The following SRBD1 variants were observed in gnomAD, a reference collection of about 807,000 sequenced individuals.
SRBD1 encodes S1 RNA-binding domain-containing protein 1.
A neutral mutation model predicts 115.3 loss-of-function variants in SRBD1; 88 were observed. The observed-to-expected ratio is 0.76, with a 90% confidence interval of 0.64 to 0.91. The LOEUF (loss-of-function observed/expected upper bound fraction) is 0.91, where lower values mean the gene tolerates loss of function less well. Among genes scored for constraint, SRBD1 ranks in the 40% least tolerant of loss-of-function variants. The probability of loss-of-function intolerance (pLI) is 0.00; values close to 1 mark genes in which losing one functional copy is unlikely to be tolerated. For synonymous variants in SRBD1, 509 were observed against 407.7 expected (o/e 1.25, Z -2.99); for missense variants, 1,385 against 1,177.4 (o/e 1.18, Z -2.58).
intron 14 of SRBD1, among the ~76,000 whole-genome samples, chr2:45,523,053 T>C (rs547495110): frequency 6.6e-6 from 1 of 152,148 alleles, no homozygotes; most frequent in Admixed American, 6.6e-5. Context: ...ATATAAAGGA[T>C]ACTCAACATG....
intron 16 of SRBD1, among the ~76,000 whole-genome samples, chr2:45,443,240 C>T (rs1668723789): frequency 6.6e-6 from 1 of 152,118 alleles, no homozygotes; most frequent in Admixed American, 6.5e-5. Context: ...GAGATGATGG[C>T]TGCCTAGAGT....
chr2:45,486,707 T>G (rs1345756647), intron 15 of SRBD1, among the ~76,000 whole-genome samples: 1 of 151,752 alleles, frequency 6.6e-6, no homozygotes, highest in Non-Finnish European at 1.5e-5. Flanking sequence ...TACTCCAGCC[T>G]GGGTGACAGC....
Position 45,581,795 on chromosome 2 carries a change from T to C in SRBD1, c.831A>G (p.Lys277=). 6.2e-7 allele frequency: 1 copy of C among 1,612,720 alleles called. No homozygotes were observed. The highest frequency in any genetic ancestry group is 8.5e-7 in the Non-Finnish European group (1 of 1,179,540). ...TAATTTTCTGGATTGTACTATGAAC[T>C]TTCTTTGCAACAGCCCTGAAAAGAG... The part of the protein sequence containing the change: ...TLEELRAVAK[K]VHSTIQKIKK... Residue 277 remains lysine (K), a synonymous_variant, in exon 6 of 21, where the codon AAA becomes AAG. Transcript: ENST00000263736.
At chr2:45,548,077 A>T (rs954653476) in intron 12 of SRBD1, among the ~76,000 whole-genome samples, 1 of 151,428 alleles carries the variant, frequency 6.6e-6, no homozygotes, top group Non-Finnish European at 1.5e-5. Context: ...TATTTATAAC[A>T]ATTAAATTTA....
At chr2:45,500,882 T>C (rs1379470975) in intron 14 of SRBD1, among the ~76,000 whole-genome samples, 2 of 152,212 alleles carry the variant, frequency 1.3e-5, no homozygotes, top group African/African-American at 4.8e-5. Flanking sequence ...GGATGCTCTT[T>C]ATATATTTCT....
intron 14 of SRBD1, among the ~76,000 whole-genome samples, chr2:45,524,336 AC>A (rs768416996): frequency 6.6e-6 from 1 of 152,008 alleles, no homozygotes; most frequent in African/African-American, 2.4e-5. Flanking sequence ...AAAGACAAAT[AC>A]CCATAGTAGA....
chr2:45,527,728 C>G (rs745717312), intron 14 of SRBD1, among the ~76,000 whole-genome samples: 4 of 151,834 alleles, frequency 2.6e-5, no homozygotes, highest in African/African-American at 4.8e-5. Context: ...TGAAGAGACA[C>G]AGGGAGATTA....
At position 45,514,008 on chromosome 2, in the gene SRBD1, G is replaced by C. The variant is rs1472716316; in HGVS notation, c.1875-25677C>G. Among the ~76,000 whole-genome samples the C allele has an allele frequency of 2.0e-5, 3 of 152,078 alleles. No homozygotes were observed. In the East Asian group the frequency reaches 5.8e-4, roughly 29 times the overall value. ...AAGTCCAAACTCTTTCATCATATTAGTTTATCAGTTTTCAGTTCAGTTTCC... is the reference window on the plus strand; with the variant it reads ...AAGTCCAAACTCTTTCATCATATTACTTTATCAGTTTTCAGTTCAGTTTCC... On this transcript the variant is annotated intron_variant, in intron 14 of 20. Coordinates refer to ENST00000263736, the MANE Select transcript of SRBD1 (RefSeq NM_018079.5).
chr2:45,504,864 A>T (rs1237206739), intron 14 of SRBD1, among the ~76,000 whole-genome samples: 8 of 152,140 alleles, frequency 5.3e-5, no homozygotes, highest in Non-Finnish European at 1.2e-4. Flanking sequence ...ACAGAAGCCC[A>T]TCCTCAAAAA....
intron 16 of SRBD1, among the ~76,000 whole-genome samples, chr2:45,461,815 G>A (rs1290951468): frequency 6.6e-6 from 1 of 152,116 alleles, no homozygotes; most frequent in East Asian, 1.9e-4. Flanking sequence ...GTCATTCATT[G>A]AGAGCTTAGA....
chr2:45,602,626 C>A (rs780200063), intron 2 of SRBD1, among the ~76,000 whole-genome samples: 3 of 152,174 alleles, frequency 2.0e-5, no homozygotes, highest in Non-Finnish European at 4.4e-5. Flanking sequence ...GAATGGATTT[C>A]TTTCCTGATT....
At chr2:45,520,427 C>G (rs1671246541) in intron 14 of SRBD1, among the ~76,000 whole-genome samples, 1 of 152,214 alleles carries the variant, frequency 6.6e-6, no homozygotes, top group South Asian at 2.1e-4. Context: ...GTGACAGTTA[C>G]AAGATCCCTG....
chr2:45,434,393 C>T (rs1396443424), intron 16 of SRBD1, among the ~76,000 whole-genome samples: 1 of 152,184 alleles, frequency 6.6e-6, no homozygotes, highest in East Asian at 1.9e-4. Flanking sequence ...TCTCCATTCA[C>T]CTCACAAATC....
intron 4 of SRBD1, among the ~76,000 whole-genome samples, chr2:45,591,288 C>A (rs963766211): frequency 6.6e-6 from 1 of 152,206 alleles, no homozygotes; most frequent in Non-Finnish European, 1.5e-5. Flanking sequence ...GGAACTGACT[C>A]AGCAGAAGAG....
chr2:45,418,853 A>T (rs181136104), intron 17 of SRBD1, among the ~76,000 whole-genome samples: 84 of 152,316 alleles, frequency 5.5e-4, no homozygotes, highest in Admixed American at 1.3e-3. Context: ...CACATTCCTT[A>T]TGTTTCTGGA....
chr2:45,575,626 T>C (rs1270764009), intron 7 of SRBD1, among the ~76,000 whole-genome samples: 1 of 152,244 alleles, frequency 6.6e-6, no homozygotes, highest in Non-Finnish European at 1.5e-5. Context: ...ATATCTAGTT[T>C]GGTTGTGTTA....
At chr2:45,453,182 C>A (rs969721572) in intron 16 of SRBD1, among the ~76,000 whole-genome samples, 4 of 150,646 alleles carry the variant, frequency 2.7e-5, no homozygotes, top group African/African-American at 9.8e-5. Flanking sequence ...AGTTAGACTT[C>A]CTGAAAAAAT....
intron 4 of SRBD1, among the ~76,000 whole-genome samples, chr2:45,595,372 T>C (rs1465177773): frequency 6.6e-6 from 1 of 152,234 alleles, no homozygotes; most frequent in East Asian, 1.9e-4. Context: ...CAACTAGTAA[T>C]ACTTAATAAT....
At chr2:45,393,742 G>A (rs148146395) in intron 19 of SRBD1, among the ~76,000 whole-genome samples, 4 of 152,238 alleles carry the variant, frequency 2.6e-5, no homozygotes, top group African/African-American at 7.2e-5. Context: ...TAAAAATGAG[G>A]CTATCTGTTC....
Sources: gnomAD v4.1 joint callset for allele counts (sites outside exome capture counted in the v4.1 genomes callset) on GRCh38, gnomAD v4.1.1 for gene constraint, MANE v1.5 for transcripts, NCBI Gene and HGNC (gene_info 2026-07-23, HGNC 2026-07-21) for gene names.